The following GRM8 variants were observed in gnomAD, a reference collection of about 807,000 sequenced individuals.
GRM8 encodes the protein metabotropic glutamate receptor 8.
Under a neutral mutation model 87.2 loss-of-function variants are expected in GRM8, and 47 were observed. The ratio of observed to expected loss-of-function variants is 0.54; its 90% CI spans 0.43 to 0.69. GRM8 has a LOEUF of 0.69. GRM8 is among the 30% of genes least tolerant of loss of function. GRM8 has a pLI of 0.00. For missense variants in GRM8, 1,019 were observed against 1,139.2 expected, an observed-to-expected ratio of 0.89 and a Z score of 1.52; for synonymous variants, 396 against 404.5, an observed-to-expected ratio of 0.98 and a Z score of 0.25.
intron 2 of GRM8, among the ~76,000 whole-genome samples, chr7:127,136,061 A>G (rs1405881743): frequency 6.6e-6 from 1 of 152,190 alleles, no homozygotes; most frequent in African/African-American, 2.4e-5. Context: ...CTAATTCAAT[A>G]AAAGTCATCA....
chr7:127,074,408 A>G (rs752241572), intron 3 of GRM8, among the ~76,000 whole-genome samples: 1 of 152,184 alleles, frequency 6.6e-6, no homozygotes, highest in African/African-American at 2.4e-5. Context: ...GAGGGTCACA[A>G]TATGTGTACT....
intron 3 of GRM8, among the ~76,000 whole-genome samples, chr7:126,954,552 C>T (rs189022166): frequency 1.3e-5 from 2 of 152,224 alleles, no homozygotes; most frequent in Non-Finnish European, 2.9e-5. Context: ...TTTCCCTTCC[C>T]CCTTATGAGA....
At chr7:126,767,498 C>A (rs556962262) in intron 7 of GRM8, among the ~76,000 whole-genome samples, 1 of 152,156 alleles carries the variant, frequency 6.6e-6, no homozygotes, top group African/African-American at 2.4e-5. Context: ...AATAGGTAAG[C>A]TTGCTTCTAT....
chr7:126,959,733 C>T (rs1809112486), intron 3 of GRM8, among the ~76,000 whole-genome samples: 1 of 152,102 alleles, frequency 6.6e-6, no homozygotes, highest in South Asian at 2.1e-4. Flanking sequence ...CCCCATGATT[C>T]CTAGTAAAGC....
chr7:126,604,547 T>C (rs956903168), intron 8 of GRM8, among the ~76,000 whole-genome samples: 1 of 152,152 alleles, frequency 6.6e-6, no homozygotes, highest in Admixed American at 6.6e-5. Flanking sequence ...GTCAATGTTC[T>C]AGGATTTTTG....
At chr7:126,907,022 G>A (rs1586409142) in intron 3 of GRM8, among the ~76,000 whole-genome samples, 1 of 152,110 alleles carries the variant, frequency 6.6e-6, no homozygotes. Flanking sequence ...AAATATTGTG[G>A]GTAACTCAGG....
At chr7:126,968,657 A>G (rs1025088647) in intron 3 of GRM8, among the ~76,000 whole-genome samples, 1 of 152,142 alleles carries the variant, frequency 6.6e-6, no homozygotes, top group Non-Finnish European at 1.5e-5. Flanking sequence ...GCTTTTTCTT[A>G]TTGCATAAGA....
intron 8 of GRM8, among the ~76,000 whole-genome samples, chr7:126,607,043 A>G (rs1798430543): frequency 6.6e-6 from 1 of 152,256 alleles, no homozygotes; most frequent in Non-Finnish European, 1.5e-5. Context: ...AATAAAAGTC[A>G]GATAAAAAGC....
chr7:126,484,214 T>A (rs1332496716), intron 9 of GRM8, among the ~76,000 whole-genome samples: 1 of 152,094 alleles, frequency 6.6e-6, no homozygotes, highest in Non-Finnish European at 1.5e-5. Flanking sequence ...TCATACAAAA[T>A]GATGGAGGCT....
chr7:126,926,055 G>T (rs1155656), intron 3 of GRM8, among the ~76,000 whole-genome samples: 57,260 of 151,740 alleles, frequency 0.38, 11,170 homozygotes, highest in East Asian at 0.66. Flanking sequence ...AGAAATATAT[G>T]ATTATATAGC....
chr7:127,216,517 C>CAAAAAAAAAAAAAAAAAA (rs58730624), intron 2 of GRM8, among the ~76,000 whole-genome samples: 4 of 62,980 alleles, frequency 6.4e-5, no homozygotes, highest in Non-Finnish European at 1.4e-4. Context: ...GACTCCGTCT[C>CAAAAAAAAAAAAAAAAAA]AAAAAAAAAA....
In GRM8 at chr7:126,533,224, G is replaced by T. The variant is rs77499554; in HGVS notation, c.2158C>A (p.His720Asn). The change falls in exon 9 of 11, where the codon CAC (histidine) becomes AAC (asparagine). Residue 720 changes from histidine (H) to asparagine (N), a missense_variant. Physicochemically the swap from His to Asn is moderately conservative, Grantham distance 68. Coordinates refer to ENST00000339582, the MANE Select transcript of GRM8 (RefSeq NM_000845.3). The stretch of plus-strand genomic sequence containing the variant: ...TGCTCTCCATAGTCAATGATGATGT[G>T]GGGGGGATCCACAACAAACCAGACA... ...VFVWFVVDPP[H>N]IIIDYGEQRT... The T allele has an allele frequency of 2.0e-5, 33 of 1,612,298 alleles. No homozygotes were observed. In the Middle Eastern group the frequency reaches 4.9e-4, roughly 24 times the overall value.
At chr7:126,484,427 G>A (rs150247093) in intron 9 of GRM8, among the ~76,000 whole-genome samples, 6 of 152,158 alleles carry the variant, frequency 3.9e-5, no homozygotes, top group African/African-American at 1.4e-4. Flanking sequence ...ATAGCATTAA[G>A]ATATAGAAAT....
intron 3 of GRM8, among the ~76,000 whole-genome samples, chr7:127,018,379 G>A (rs936217183): frequency 6.7e-6 from 1 of 148,790 alleles, no homozygotes; most frequent in Non-Finnish European, 1.5e-5. Context: ...ACACAATGGA[G>A]AGCAATAAAG....
chr7:126,559,859 A>G (rs1210463690), intron 8 of GRM8, among the ~76,000 whole-genome samples: 1 of 152,174 alleles, frequency 6.6e-6, no homozygotes, highest in Non-Finnish European at 1.5e-5. Flanking sequence ...AAACTCACCC[A>G]TGTCTCCATT....
In GRM8 at chr7:127,058,089, T is replaced by C. The variant is rs139323492; in HGVS notation, c.727+48407A>G. The C allele has an allele frequency of 2.9e-5, 14 of 488,934 alleles. No homozygotes were observed. In the East Asian group the frequency reaches 5.1e-4, roughly 18 times the overall value. The allele number at this position is 488,934 out of a possible 1,614,324, so 30.3% of individuals were successfully genotyped here. The stretch of plus-strand genomic sequence containing the variant: ...TCTGGAATCACGTCTTTAACTGGCG[T>C]TGTGACGTCTTACGTCATGATGTTG... On this transcript the variant is annotated intron_variant, in intron 3 of 10. Transcript: ENST00000339582.
intron 3 of GRM8, among the ~76,000 whole-genome samples, chr7:126,990,636 T>C (rs1812567646): frequency 1.3e-5 from 2 of 152,196 alleles, no homozygotes; most frequent in South Asian, 4.1e-4. Context: ...ACAGCCATGG[T>C]TTAAATCCTG....
chr7:126,650,036 T>A (rs1803630154), intron 7 of GRM8, among the ~76,000 whole-genome samples: 1 of 152,222 alleles, frequency 6.6e-6, no homozygotes, highest in Non-Finnish European at 1.5e-5. Context: ...ATAGCTCTTG[T>A]CCCGTTACTG....
intron 3 of GRM8, among the ~76,000 whole-genome samples, chr7:126,992,623 C>G (rs920729911): frequency 6.6e-6 from 1 of 152,062 alleles, no homozygotes; most frequent in Non-Finnish European, 1.5e-5. Context: ...AAGGATATTT[C>G]TATGGAGTGA....
Sources: gnomAD v4.1 joint callset for allele counts (sites outside exome capture counted in the v4.1 genomes callset) on GRCh38, gnomAD v4.1.1 for gene constraint, MANE v1.5 for transcripts, NCBI Gene and HGNC (gene_info 2026-07-23, HGNC 2026-07-21) for gene names.